TRIM67: variants seen among roughly 807,000 people sequenced by gnomAD.
TRIM67 encodes tripartite motif containing 67.
Under a neutral mutation model 71.0 loss-of-function variants are expected in TRIM67, and 39 were observed. The ratio of observed to expected loss-of-function variants is 0.55; its 90% CI spans 0.43 to 0.72. The LOEUF is 0.72. Ranked by LOEUF, TRIM67 falls within the 30% of genes least tolerant of loss-of-function variation. The pLI is 0.00. For synonymous variants in TRIM67, 481 were observed against 473.9 expected, an observed-to-expected ratio of 1.01 and a Z score of -0.19; for missense variants, 973 against 1,079.2, an observed-to-expected ratio of 0.90 and a Z score of 1.38.
chr1:231,198,241 A>G (rs1683421762), intron 2 of TRIM67, among the ~76,000 whole-genome samples: 1 of 152,242 alleles, frequency 6.6e-6, no homozygotes, highest in Non-Finnish European at 1.5e-5. Context: ...CACAAGATAC[A>G]AAGATCAATG....
chr1:231,187,083 C>T (rs1349102421), intron 1 of TRIM67, among the ~76,000 whole-genome samples: 1 of 152,176 alleles, frequency 6.6e-6, no homozygotes, highest in Non-Finnish European at 1.5e-5. Context: ...GAAAGCTTCC[C>T]AGGCAATGGT....
In TRIM67 at chr1:231,163,234, G is replaced by C. The variant is rs961586187; in HGVS notation, c.265G>C (p.Gly89Arg). The C allele has an allele frequency of 4.2e-5, 63 of 1,499,010 alleles. No homozygotes were observed. The highest frequency in any genetic ancestry group is 5.5e-5 in the Non-Finnish European group (62 of 1,124,154). 92.9% of individuals were successfully genotyped at this position (1,499,010 alleles called of 1,614,324 possible). The stretch of plus-strand genomic sequence containing the variant: ...AGGCGGGAGTGCAGCTGGCGGCCTC[G>C]GCGGCGGTGCGGGAGGTGGCGGAGA... ...GAGGSAAGGLGGGAGGGGDHA... is the reference protein window; with the variant it reads ...GAGGSAAGGLRGGAGGGGDHA... Residue 89 changes from glycine (G) to arginine (R), a missense_variant, in exon 1 of 10, where the codon GGC (glycine) becomes CGC (arginine). Around this residue, in one of 2 missense-constraint regions of TRIM67, gnomAD observed 795 missense variants for 831.3 expected, o/e 0.96. Coordinates refer to ENST00000366653, the MANE Select transcript of TRIM67 (RefSeq NM_001004342.5).
intron 1 of TRIM67, chr1:231,187,749 G>A (rs1483984620): frequency 3.0e-5 from 18 of 599,096 alleles, no homozygotes; most frequent in East Asian, 2.6e-4. Flanking sequence ...GTAGCCAGAG[G>A]GACAGCGGGC....
At position 231,208,421 on chromosome 1, in the gene TRIM67, G is replaced by C. The variant is rs188810795; in HGVS notation, c.1820-526G>C. Among the ~76,000 whole-genome samples, 698 of 152,066 alleles carry C rather than the reference G, an allele frequency of 4.6e-3. 5 individuals carry two copies. Among genetic ancestry groups the C allele is most frequent in the African/African-American group, 0.016 (671 of 41,482 alleles). On this transcript the variant is annotated intron_variant, in intron 7 of 9. Coordinates refer to ENST00000366653, the MANE Select transcript of TRIM67 (RefSeq NM_001004342.5). ...GATCTCCTGACCTCGTGATCCTCCCGCCTCGGCCTCCCAAAGTGCTGGGAT... is the reference window on the plus strand; with the variant it reads ...GATCTCCTGACCTCGTGATCCTCCCCCCTCGGCCTCCCAAAGTGCTGGGAT...
At chr1:231,206,347 A>G (rs1172571434) in intron 6 of TRIM67, among the ~76,000 whole-genome samples, 1 of 152,042 alleles carries the variant, frequency 6.6e-6, no homozygotes, top group Non-Finnish European at 1.5e-5. Context: ...AGGCTGACGC[A>G]GGAGAATCAC....
At position 231,163,480 on chromosome 1, in the gene TRIM67, C is replaced by G; in HGVS notation, c.511C>G (p.Arg171Gly). Residue 171 changes from arginine (R) to glycine (G), a missense_variant, in exon 1 of 10, where the codon CGC becomes GGC. Arg to Gly is a moderately radical substitution (Grantham distance 125). Transcript: ENST00000366653. ...CCACCGCAGCGCATCCCTGGACCAC[C>G]GCGGCCTGCGCGGCTTCCAGCGCAA... The part of the protein sequence containing the change: ...QCHRSASLDH[R>G]GLRGFQRNRL... 6.6e-7 allele frequency: 1 copy of G among 1,525,794 alleles called. No individual in the cohort carries two copies. Among genetic ancestry groups the G allele is most frequent in the Non-Finnish European group, 8.8e-7 (1 of 1,142,764 alleles). 94.5% of individuals were successfully genotyped at this position (1,525,794 alleles called of 1,614,324 possible).
At chr1:231,170,117 G>T (rs1015833416) in intron 1 of TRIM67, among the ~76,000 whole-genome samples, 1 of 151,804 alleles carries the variant, frequency 6.6e-6, no homozygotes, top group Non-Finnish European at 1.5e-5. Context: ...CTCCTGAGTA[G>T]CTGGGATTAC....
intron 8 of TRIM67, among the ~76,000 whole-genome samples, chr1:231,211,691 C>T (rs1414260820): frequency 1.3e-5 from 2 of 152,182 alleles, no homozygotes; most frequent in South Asian, 2.1e-4. Flanking sequence ...TCTGCCCTAC[C>T]AGCAGCGTCC....
At position 231,217,850 on chromosome 1, in the gene TRIM67, T is replaced by A. The variant is rs1030211205; in HGVS notation, c.*2410T>A. On this transcript the variant is annotated 3_prime_UTR_variant, in exon 10 of 10. Transcript: ENST00000366653. ...GAGAGAAGTGGAAAGTGCAGGAGGGTAATGCCCTCAAATCCGGTGGCCTCT... is the reference window on the plus strand; with the variant it reads ...GAGAGAAGTGGAAAGTGCAGGAGGGAAATGCCCTCAAATCCGGTGGCCTCT... 6 of 1,289,574 alleles carry A rather than the reference T, an allele frequency of 4.7e-6. No homozygotes were observed. Among genetic ancestry groups the A allele is most frequent in the Non-Finnish European group, 6.1e-6 (6 of 988,774 alleles). The allele number at this position is 1,289,574 out of a possible 1,614,324, so 79.9% of individuals were successfully genotyped here.
At position 231,218,487 on chromosome 1, in the gene TRIM67, A is replaced by G; in HGVS notation, c.*3047A>G. ...TCAAAGTGTATGCCTTTTCCTTTTA[A>G]AATTAATCTCTTCCGAAAATATCCA... On this transcript the variant is annotated 3_prime_UTR_variant, in exon 10 of 10. Transcript: ENST00000366653. 1 of 985,426 alleles carries G rather than the reference A, an allele frequency of 1.0e-6. No individual in the cohort carries two copies. The highest frequency in any genetic ancestry group is 1.2e-6 in the Non-Finnish European group (1 of 829,948). 61.0% of individuals were successfully genotyped at this position (985,426 alleles called of 1,614,324 possible).
Position 231,218,118 on chromosome 1 carries a change from T to G in TRIM67, c.*2678T>G. 1 of 1,047,892 alleles carries G rather than the reference T, an allele frequency of 9.5e-7. No individual in the cohort carries two copies. 64.9% of individuals were successfully genotyped at this position (1,047,892 alleles called of 1,614,324 possible). A position where few individuals can be genotyped will look rare whatever the true frequency, so the allele number is the denominator to read the frequency against. On this transcript the variant is annotated 3_prime_UTR_variant, in exon 10 of 10. Coordinates refer to ENST00000366653, the MANE Select transcript of TRIM67 (RefSeq NM_001004342.5). ...ACGACAGGTCCGTGCCACACACTTG[T>G]GTTTTTGAGGGATCAGAAAAGTGAA...
In TRIM67 at chr1:231,218,326, CTT is replaced by C. The variant is rs1684065746; in HGVS notation, c.*2887_*2888del. The C allele has an allele frequency of 1.0e-6, 1 of 986,678 alleles. No individual in the cohort carries two copies. Among genetic ancestry groups the C allele is most frequent in the Non-Finnish European group, 1.2e-6 (1 of 830,806 alleles). The allele number at this position is 986,678 out of a possible 1,614,324, so 61.1% of individuals were successfully genotyped here. ...TTTTGTTGGGCTGGCTGAGGAGTAA[CTT>C]GGTGTAAATCTATCAAGCAGTTTCA... On this transcript the variant is annotated 3_prime_UTR_variant, in exon 10 of 10. Transcript: ENST00000366653.
chr1:231,219,329 T>C lies in TRIM67; in HGVS notation c.*3889T>C, dbSNP rs1277419938. 4 of 986,502 alleles carry C rather than the reference T, an allele frequency of 4.1e-6. No individual in the cohort carries two copies. The highest frequency in any genetic ancestry group is 6.0e-5 in the Admixed American group (1 of 16,560). 61.1% of individuals were successfully genotyped at this position (986,502 alleles called of 1,614,324 possible). On this transcript the variant is annotated 3_prime_UTR_variant, in exon 10 of 10. Coordinates refer to ENST00000366653, the MANE Select transcript of TRIM67 (RefSeq NM_001004342.5). ...GTATCTGTCGACATTGCTAGGTATC[T>C]CCTGGGGGCCTCCACAAGTTGAGAA...
In TRIM67 at chr1:231,163,435, T is replaced by C; in HGVS notation, c.466T>C (p.Ser156Pro). 1 of 1,539,946 alleles carries C rather than the reference T, an allele frequency of 6.5e-7. No homozygotes were observed. Among genetic ancestry groups the C allele is most frequent in the South Asian group, 1.2e-5 (1 of 83,070 alleles). Residue 156 changes from serine (S) to proline (P), a missense_variant, in exon 1 of 10, where the codon TCC becomes CCC. This residue lies in a region of TRIM67 where 795 missense variants were observed against 831.3 expected (regional missense o/e 0.96). Coordinates refer to ENST00000366653, the MANE Select transcript of TRIM67 (RefSeq NM_001004342.5). ...ACSSLSSSSS[S>P]ITCPQCHRSA... is the part of the protein sequence containing the mutation. Reference sequence around the variant, plus strand: ...CTCCTCGCTGTCCTCGTCTTCGAGCTCCATCACGTGCCCGCAGTGCCACCG... The same window carrying C: ...CTCCTCGCTGTCCTCGTCTTCGAGCCCCATCACGTGCCCGCAGTGCCACCG...
chr1:231,185,139 AGT>A (rs1454829952), intron 1 of TRIM67: 4 of 1,532,842 alleles, frequency 2.6e-6, no homozygotes, highest in Non-Finnish European at 3.5e-6. Context: ...CTCAATGGGA[AGT>A]GTGTGTTGTC....
intron 1 of TRIM67, chr1:231,185,045 G>T: frequency 6.5e-7 from 1 of 1,533,034 alleles, no homozygotes; most frequent in Non-Finnish European, 8.7e-7. Context: ...GCCTAGGCTA[G>T]TGTGGAGCTG....
intron 1 of TRIM67, among the ~76,000 whole-genome samples, chr1:231,193,440 G>T (rs912103275): frequency 6.9e-6 from 1 of 145,562 alleles, no homozygotes; most frequent in Non-Finnish European, 1.5e-5. Context: ...TGTGCTCACA[G>T]CCCCCTCTGA....
rs1005708688 is a variant in TRIM67, at chr1:231,163,177, G to C, written c.208G>C (p.Asp70His). The change falls in exon 1 of 10, where the codon GAC becomes CAC. Residue 70 changes from aspartate (D) to histidine (H), a missense_variant. Physicochemically the swap from Asp to His is moderately conservative, Grantham distance 81 (BLOSUM62 -1). Coordinates refer to ENST00000366653, the MANE Select transcript of TRIM67 (RefSeq NM_001004342.5). The stretch of plus-strand genomic sequence containing the variant: ...CGCCGCCGCTGCCTCTCTGGAGCAC[G>C]ACGCTGCGGCTGGCCCGGCCTGCGG... ...GAAAAASLEH[D>H]AAAGPACGGA... 2 of 1,494,334 alleles carry C rather than the reference G, an allele frequency of 1.3e-6. No individual in the cohort carries two copies. Among genetic ancestry groups the C allele is most frequent in the African/African-American group, 1.4e-5 (1 of 69,544 alleles). The allele number at this position is 1,494,334 out of a possible 1,614,324, so 92.6% of individuals were successfully genotyped here.
chr1:231,175,038 C>T (rs965258003), intron 1 of TRIM67, among the ~76,000 whole-genome samples: 1 of 152,190 alleles, frequency 6.6e-6, no homozygotes, highest in Middle Eastern at 3.2e-3. Context: ...CTTGGTCCTG[C>T]AGCCATGCTA....
Sources: allele counts gnomAD v4.1 joint callset (sites outside exome capture counted in the v4.1 genomes callset), GRCh38; gene constraint gnomAD v4.1.1; regional missense constraint gnomAD v4.1.1; transcripts MANE v1.5; gene names NCBI Gene and HGNC (gene_info 2026-07-23, HGNC 2026-07-21).